Variants in ASAH2 observed in about 807,000 individuals in gnomAD.
ASAH2 encodes N-acylsphingosine amidohydrolase 2.
ASAH2 carries 58 observed loss-of-function variants against 82.9 expected under a neutral mutation model. That is an observed-to-expected ratio of 0.70 (90% confidence interval 0.57 to 0.87). ASAH2 has a LOEUF of 0.87. Ranked by LOEUF, ASAH2 falls within the 40% of genes least tolerant of loss-of-function variation. The pLI, the probability that ASAH2 is intolerant of heterozygous loss-of-function variation, is 0.00. For missense variants in ASAH2, 779 were observed against 834.0 expected (o/e 0.93, Z 0.81); for synonymous variants, 276 against 289.7 (o/e 0.95, Z 0.48).
chr10:50,210,938 G>A, intron 11 of ASAH2, 34 bp from the exon 12 acceptor site: 2 of 1,608,688 alleles, frequency 1.2e-6, no homozygotes, highest in Non-Finnish European at 1.7e-6. Flanking sequence ...AAACAAAAAT[G>A]AAAAAGACAA....
chr10:50,245,410 TG>T lies in ASAH2; in HGVS notation c.171del (p.Thr58ProfsTer32), dbSNP rs1196266072. 6.2e-7 allele frequency: 1 copy of T among 1,613,798 alleles called. No individual in the cohort carries two copies. The highest frequency in any genetic ancestry group is 8.5e-7 in the Non-Finnish European group (1 of 1,179,924). On this transcript the variant is annotated frameshift_variant, in exon 3 of 21. Coordinates refer to ENST00000682911, the MANE Select transcript of ASAH2 (RefSeq NM_019893.4). LOFTEE classifies it high-confidence loss of function. ...CGTTGGGCAGCTGTGGAGCCCTGGG[TG>T]GCTGGAGGGCTTTGGGTGGTTGAAA... ...HFFSTTQSPP[A>X]TQGSTAAQRS...
In ASAH2 at chr10:50,214,868, C is replaced by G; in HGVS notation, c.1015G>C (p.Gly339Arg). Reference protein sequence around the residue: ...EKNKGYLPGQGPFVAAFASSN... With the variant: ...EKNKGYLPGQRPFVAAFASSN... ...GAAGCAAAGGCTGCTACAAATGGCCCCTGCCAAAAGAAATGCCAAGTTGCC... is the reference window on the plus strand; with the variant it reads ...GAAGCAAAGGCTGCTACAAATGGCCGCTGCCAAAAGAAATGCCAAGTTGCC... Residue 339 changes from glycine to arginine, a missense_variant and splice_region_variant, in exon 9 of 21, where the codon GGG becomes CGG. Gly to Arg is a moderately radical substitution (Grantham distance 125). Transcript: ENST00000682911. 6.2e-7 allele frequency: 1 copy of G among 1,613,298 alleles called. No individual in the cohort carries two copies. Among genetic ancestry groups the G allele is most frequent in the South Asian group, 1.1e-5 (1 of 90,960 alleles).
chr10:50,234,455 T>C lies in ASAH2; in HGVS notation c.785A>G (p.Tyr262Cys), dbSNP rs768076673. The change falls in exon 6 of 21, where the codon TAC becomes TGC. Residue 262 changes from tyrosine to cysteine, a missense_variant. Around this residue, in one of 3 missense-constraint regions of ASAH2, gnomAD observed 759 missense variants for 755.2 expected, o/e 1.00. Transcript: ENST00000682911. ...GVQINRSPYS[Y>C]LQNPQSERAR... ...TCTCTCTGACTGCGGATTTTGAAGGTAAGAATACGGACTTCTGTTGATCTG... is the reference window on the plus strand; with the variant it reads ...TCTCTCTGACTGCGGATTTTGAAGGCAAGAATACGGACTTCTGTTGATCTG... 1 of 1,613,088 alleles carries C rather than the reference T, an allele frequency of 6.2e-7. No homozygotes were observed. Among genetic ancestry groups the C allele is most frequent in the Admixed American group, 1.7e-5 (1 of 59,934 alleles).
At chr10:50,216,377 C>T (rs1014450149) in intron 8 of ASAH2, among the ~76,000 whole-genome samples, 4 of 152,052 alleles carry the variant, frequency 2.6e-5, no homozygotes, top group Non-Finnish European at 5.9e-5. Context: ...ACATTACAGT[C>T]GGTATACATA....
chr10:50,229,562 G>A (rs1409295011), intron 7 of ASAH2, among the ~76,000 whole-genome samples: 3 of 152,092 alleles, frequency 2.0e-5, no homozygotes, highest in African/African-American at 7.2e-5. Context: ...ACCCAAGTTT[G>A]AAACACTTTA....
intron 3 of ASAH2, among the ~76,000 whole-genome samples, chr10:50,244,957 C>A (rs954452224): frequency 6.6e-6 from 1 of 151,724 alleles, no homozygotes; most frequent in African/African-American, 2.4e-5. Context: ...TGCCTGCTCA[C>A]CCCCTGTAGT....
chr10:50,229,467 G>A (rs1845973362), intron 7 of ASAH2, among the ~76,000 whole-genome samples: 1 of 152,120 alleles, frequency 6.6e-6, no homozygotes, highest in Non-Finnish European at 1.5e-5. Context: ...GGGCTTAATG[G>A]TTCATGGAAT....
intron 12 of ASAH2, among the ~76,000 whole-genome samples, chr10:50,207,564 C>A (rs1162681934): frequency 1.3e-5 from 2 of 150,542 alleles, no homozygotes; most frequent in Non-Finnish European, 3.0e-5. Context: ...AATTAGATAA[C>A]TTAGATAAAA....
At chr10:50,229,322 G>GA (rs1413366474) in intron 7 of ASAH2, among the ~76,000 whole-genome samples, 43 of 150,240 alleles carry the variant, frequency 2.9e-4, no homozygotes, top group Admixed American at 2.1e-3. Flanking sequence ...CATGTCTGGA[G>GA]AAAAAAAAAC....
At chr10:50,218,079 G>A (rs1281499752) in intron 8 of ASAH2, among the ~76,000 whole-genome samples, 23 of 152,234 alleles carry the variant, frequency 1.5e-4, no homozygotes, top group African/African-American at 5.1e-4. Flanking sequence ...AGCTGAGATC[G>A]TGCCACTGCT....
intron 12 of ASAH2, among the ~76,000 whole-genome samples, 168 bp from the exon 13 acceptor site, chr10:50,206,265 T>C (rs1845293690): frequency 1.3e-5 from 2 of 151,910 alleles, no homozygotes; most frequent in African/African-American, 4.8e-5. Context: ...AAAAATGTCC[T>C]GTGCATCCTA....
At chr10:50,201,704 G>A (rs1845153734) in intron 16 of ASAH2, among the ~76,000 whole-genome samples, 1 of 151,964 alleles carries the variant, frequency 6.6e-6, no homozygotes, top group Non-Finnish European at 1.5e-5. Flanking sequence ...TGTTTCTAAA[G>A]GTGTAAAATA....
At position 50,248,477 on chromosome 10, in the gene ASAH2, C is replaced by T. The variant is rs1241060524; in HGVS notation, c.127+7G>A. 6.2e-7 allele frequency: 1 copy of T among 1,613,296 alleles called. No homozygotes were observed. The highest frequency in any genetic ancestry group is 2.2e-5 in the East Asian group (1 of 44,872). Reference sequence around the variant, plus strand: ...AAATTGCATCTAAGAGAGCCCATGACACTTGCCTTTGTGGTTTTCAATGGT... The same window carrying T: ...AAATTGCATCTAAGAGAGCCCATGATACTTGCCTTTGTGGTTTTCAATGGT... On this transcript the variant is annotated splice_region_variant and intron_variant, in intron 2 of 20. Transcript: ENST00000682911.
chr10:50,232,491 T>G (rs1468273331), intron 7 of ASAH2, among the ~76,000 whole-genome samples: 1 of 152,074 alleles, frequency 6.6e-6, no homozygotes, highest in Non-Finnish European at 1.5e-5. Context: ...AGTCCATAGG[T>G]CAAAGAGTCT....
At chr10:50,224,407 T>C (rs2842118) in intron 7 of ASAH2, among the ~76,000 whole-genome samples, 139,727 of 151,980 alleles carry the variant, frequency 0.92, 65,386 homozygotes, top group East Asian at 1. Context: ...ATATATGATT[T>C]GTAAGATTAA....
chr10:50,204,868 C>G lies in ASAH2; in HGVS notation c.1618G>C (p.Glu540Gln). The G allele has an allele frequency of 6.2e-7, 1 of 1,607,138 alleles. No individual in the cohort carries two copies. Among genetic ancestry groups the G allele is most frequent in the Non-Finnish European group, 8.5e-7 (1 of 1,175,058 alleles). The change falls in exon 14 of 21, where the codon GAG (glutamate) becomes CAG (glutamine). Residue 540 changes from glutamate (E) to glutamine (Q), a missense_variant. Coordinates refer to ENST00000682911, the MANE Select transcript of ASAH2 (RefSeq NM_019893.4). ...GSLAITAIPG[E>Q]FTTMSGRRLR... is the part of the protein sequence containing the mutation. ...ATAAAAAGAAAAACTTACGTAAACT[C>G]CCCGGGGATGGCAGTTATGGCCAAG... is the stretch of plus-strand genomic sequence containing the variant.
At chr10:50,204,242 G>GA (rs1378036581) in intron 14 of ASAH2, among the ~76,000 whole-genome samples, 19 of 150,522 alleles carry the variant, frequency 1.3e-4, no homozygotes, top group African/African-American at 2.7e-4. Flanking sequence ...GCTGTGTTGA[G>GA]AAAAAAAAAC....
At position 50,211,209 on chromosome 10, in the gene ASAH2, C is replaced by A. The variant is rs1589331388; in HGVS notation, c.1228-75G>T. ...ATCTCCAACTGTACTCAGGAAGTAC[C>A]AATTTGATGCAATTTGGAAATGCAT... is the stretch of plus-strand genomic sequence containing the variant. On this transcript the variant is annotated intron_variant, in intron 10 of 20. Transcript: ENST00000682911. 23 of 1,068,192 alleles carry A rather than the reference C, an allele frequency of 2.2e-5. No individual in the cohort carries two copies. The South Asian group carries it at 2.3e-4, about 11-fold the overall frequency. The allele number at this position is 1,068,192 out of a possible 1,614,324, so 66.2% of individuals were successfully genotyped here.
intron 11 of ASAH2, 49 bp downstream of exon 11, chr10:50,210,981 C>T: frequency 6.2e-7 from 1 of 1,602,224 alleles, no homozygotes; most frequent in Non-Finnish European, 8.6e-7. Context: ...TGAGATCAAA[C>T]CAAAACTTCA....
Sources: gnomAD v4.1 joint callset for allele counts (sites outside exome capture counted in the v4.1 genomes callset) on GRCh38, gnomAD v4.1.1 for gene constraint, gnomAD v4.1.1 regional missense constraint, MANE v1.5 for transcripts, NCBI Gene and HGNC (gene_info 2026-07-23, HGNC 2026-07-21) for gene names.